Variants in HPSE2 observed in about 807,000 individuals in gnomAD.
HPSE2 encodes the protein heparanase 2 (inactive), also known as inactive heparanase-2.
In HPSE2, 38 loss-of-function variants were observed where a neutral mutation model predicts 60.5. The ratio of observed to expected loss-of-function variants is 0.63; its 90% confidence interval spans 0.48 to 0.82. HPSE2 has a LOEUF of 0.82. Among genes scored for constraint, HPSE2 ranks in the 40% least tolerant of loss-of-function variants. The pLI, the probability that HPSE2 is intolerant of heterozygous loss-of-function variation, is 0.00. For missense variants in HPSE2, 713 were observed against 740.4 expected, an observed-to-expected ratio of 0.96 and a Z score of 0.43; for synonymous variants, 295 against 293.2, an observed-to-expected ratio of 1.01 and a Z score of -0.06.
At chr10:99,193,075 A>G (rs1346389323) in intron 2 of HPSE2, among the ~76,000 whole-genome samples, 1 of 152,180 alleles carries the variant, frequency 6.6e-6, no homozygotes, top group Non-Finnish European at 1.5e-5. Context: ...AAAAATAATA[A>G]CTACAACAAC....
chr10:98,777,352 T>A lies in HPSE2; in HGVS notation c.611-33296A>T, dbSNP rs529202036. The stretch of plus-strand genomic sequence containing the variant: ...ACAAACTGAATTCAAACCAGTCATT[T>A]TGTTTTTTACATACACGAGAATATA... On this transcript the variant is annotated intron_variant, in intron 3 of 11. Coordinates refer to ENST00000370552, the MANE Select transcript of HPSE2 (RefSeq NM_021828.5). 2.0e-5 allele frequency among the ~76,000 whole-genome samples: 3 copies of A among 152,340 alleles called. No homozygotes were observed. In the South Asian group the frequency reaches 6.2e-4, roughly 32 times the overall value.
chr10:98,677,810 CT>C (rs1366373411), intron 6 of HPSE2, among the ~76,000 whole-genome samples: 4 of 152,098 alleles, frequency 2.6e-5, no homozygotes. Context: ...ATTTCTTTAG[CT>C]TTTCTTTTTA....
chr10:98,478,753 T>G (rs905768910), intron 11 of HPSE2, among the ~76,000 whole-genome samples: 5 of 152,224 alleles, frequency 3.3e-5, no homozygotes, highest in Non-Finnish European at 7.3e-5. Flanking sequence ...TTTCCCCATT[T>G]CCTTCAGCTA....
At chr10:98,793,977 T>C (rs1358694649) in intron 3 of HPSE2, among the ~76,000 whole-genome samples, 1 of 152,212 alleles carries the variant, frequency 6.6e-6, no homozygotes, top group Admixed American at 6.5e-5. Flanking sequence ...GAAGGAGTTA[T>C]ACATGAGGGA....
chr10:98,635,668 G>C (rs1376598971), intron 7 of HPSE2, among the ~76,000 whole-genome samples: 1 of 151,910 alleles, frequency 6.6e-6, no homozygotes, highest in Non-Finnish European at 1.5e-5. Context: ...TGTAGTTTCA[G>C]CTACTTGGGA....
chr10:99,105,826 AT>A (rs1007520998), intron 3 of HPSE2, among the ~76,000 whole-genome samples: 1 of 151,716 alleles, frequency 6.6e-6, no homozygotes, highest in African/African-American at 2.4e-5. Context: ...ATCTAAATTT[AT>A]TTTTTTTAAT....
chr10:98,517,250 G>T (rs1198557064), intron 9 of HPSE2, among the ~76,000 whole-genome samples: 1 of 152,068 alleles, frequency 6.6e-6, no homozygotes, highest in African/African-American at 2.4e-5. Flanking sequence ...CAGCAGCCCT[G>T]TCCTGTCCTA....
chr10:99,151,943 T>A (rs1444692060), intron 2 of HPSE2, among the ~76,000 whole-genome samples: 1 of 151,526 alleles, frequency 6.6e-6, no homozygotes, highest in African/African-American at 2.4e-5. Flanking sequence ...AAAGAAAACT[T>A]CTGACAACCA....
At chr10:98,792,494 T>C (rs781301759) in intron 3 of HPSE2, among the ~76,000 whole-genome samples, 6 of 152,138 alleles carry the variant, frequency 3.9e-5, no homozygotes, top group Admixed American at 2.6e-4. Context: ...TAGACCTCCA[T>C]GGGGAACAGC....
At chr10:98,899,006 A>G (rs1953580743) in intron 3 of HPSE2, among the ~76,000 whole-genome samples, 1 of 152,228 alleles carries the variant, frequency 6.6e-6, no homozygotes, top group African/African-American at 2.4e-5. Context: ...AATACACCTA[A>G]ATGCAAAACA....
intron 3 of HPSE2, among the ~76,000 whole-genome samples, chr10:98,800,461 T>C (rs1352150176): frequency 6.8e-6 from 1 of 147,710 alleles, no homozygotes; most frequent in Non-Finnish European, 1.5e-5. Flanking sequence ...ATAACATATA[T>C]GATTTTATAT....
intron 9 of HPSE2, among the ~76,000 whole-genome samples, chr10:98,583,765 G>A (rs1944866788): frequency 6.6e-6 from 1 of 152,108 alleles, no homozygotes; most frequent in Non-Finnish European, 1.5e-5. Flanking sequence ...CTGTCTCTAT[G>A]TATTCACCTA....
intron 9 of HPSE2, among the ~76,000 whole-genome samples, chr10:98,602,054 A>G (rs1945442071): frequency 6.6e-6 from 1 of 152,202 alleles, no homozygotes; most frequent in South Asian, 2.1e-4. Flanking sequence ...TGGGGATATA[A>G]GTATTCCCAG....
chr10:99,042,490 CA>C (rs1957762505), intron 3 of HPSE2, among the ~76,000 whole-genome samples: 1 of 152,056 alleles, frequency 6.6e-6, no homozygotes, highest in Non-Finnish European at 1.5e-5. Context: ...TAAGGGGGAA[CA>C]AAAAGCCTGA....
chr10:99,217,632 C>T (rs1183119408), intron 2 of HPSE2, among the ~76,000 whole-genome samples: 2 of 152,010 alleles, frequency 1.3e-5, no homozygotes, highest in Admixed American at 6.6e-5. Context: ...AAATCTCTGT[C>T]ATCCAGGCTG....
the HPSE2 span, among the ~76,000 whole-genome samples, chr10:99,251,270 CA>C: frequency 1.3e-5 from 2 of 152,192 alleles, no homozygotes; most frequent in Non-Finnish European, 2.9e-5. Flanking sequence ...TGGAATCATA[CA>C]ATCTCTCAAA....
rs564980556 is a variant in HPSE2 at position 98,912,918 on chromosome 10, CTTAAAA to C, written c.611-168868_611-168863del. Among the ~76,000 whole-genome samples the C allele has an allele frequency of 1.9e-3, 293 of 152,104 alleles. 2 individuals are homozygous for C. Among genetic ancestry groups the C allele is most frequent in the Middle Eastern group, 0.01 (3 of 294 alleles). On this transcript the variant is annotated intron_variant, in intron 3 of 11. Transcript: ENST00000370552. ...TAGTCAATAATAATTTAATTGTACA[CTTAAAA>C]TTAAGTAAAATTAGATTGTTTGAAT... is the stretch of plus-strand genomic sequence containing the variant.
At chr10:99,174,293 T>C (rs1451163092) in intron 2 of HPSE2, among the ~76,000 whole-genome samples, 1 of 152,228 alleles carries the variant, frequency 6.6e-6, no homozygotes, top group East Asian at 1.9e-4. Flanking sequence ...ATAATATTCA[T>C]TGTCCTTTAT....
chr10:98,582,926 C>T (rs10786443), intron 9 of HPSE2, among the ~76,000 whole-genome samples: 85,639 of 151,894 alleles, frequency 0.56, 24,468 homozygotes, highest in Admixed American at 0.62. Flanking sequence ...CACCCCCAAC[C>T]GTTTTCTCCT....
Sources: allele counts gnomAD v4.1 joint callset (sites outside exome capture counted in the v4.1 genomes callset), GRCh38; gene constraint gnomAD v4.1.1; transcripts MANE v1.5; gene names NCBI Gene and HGNC (gene_info 2026-07-23, HGNC 2026-07-21).